PGGHG: variants seen among roughly 807,000 people sequenced by gnomAD.
PGGHG encodes ATH1, acid trehalase-like 1.
In PGGHG, 67 loss-of-function variants were observed where a neutral mutation model predicts 74.5. The observed-to-expected ratio is 0.90, with a 90% confidence interval of 0.74 to 1.10. The LOEUF (loss-of-function observed/expected upper bound fraction) is 1.10, where lower values mean the gene tolerates loss of function less well. Among genes scored for constraint, PGGHG ranks in the 50% least tolerant of loss-of-function variants. The probability of loss-of-function intolerance (pLI) is 0.00; values close to 1 mark genes in which losing one functional copy is unlikely to be tolerated. For synonymous variants in PGGHG, 496 were observed against 419.9 expected (o/e 1.18, Z -2.21); for missense variants, 1,034 against 981.5 (o/e 1.05, Z -0.72).
At chr11:292,350 G>C (rs192845833) in intron 5 of PGGHG, among the ~76,000 whole-genome samples, 196 bp from the exon 6 acceptor site, 1 of 152,252 alleles carries the variant, frequency 6.6e-6, no homozygotes, top group Admixed American at 6.5e-5. Flanking sequence ...CCCTGCACCA[G>C]GGTCAGCACT....
chr11:294,095 G>A lies in PGGHG; in HGVS notation c.1711-4G>A, dbSNP rs878983341. 1 of 1,601,848 alleles carries A rather than the reference G, an allele frequency of 6.2e-7. No individual in the cohort carries two copies. Among genetic ancestry groups the A allele is most frequent in the South Asian group, 1.1e-5 (1 of 89,556 alleles). ...CCTGGTGTCAGCTGCCCTTGCCCCT[G>A]CAGGTGTGGACGGAGAATGCAGACG... is the stretch of plus-strand genomic sequence containing the variant. On this transcript the variant is annotated splice_polypyrimidine_tract_variant and splice_region_variant and intron_variant, in intron 11 of 13. Transcript: ENST00000409548.
chr11:289,679 C>T lies in PGGHG; in HGVS notation c.-13-125C>T. 8.0e-7 allele frequency: 1 copy of T among 1,249,434 alleles called. No individual in the cohort carries two copies. The highest frequency in any genetic ancestry group is 1.6e-5 in the South Asian group (1 of 63,368). 77.4% of individuals were successfully genotyped at this position (1,249,434 alleles called of 1,614,324 possible). A position where few individuals can be genotyped will look rare whatever the true frequency, so the allele number is the denominator to read the frequency against. The stretch of plus-strand genomic sequence containing the variant: ...CGTCTAGGAGGGGCCTCAGGAAAAT[C>T]GGGGCTGCCCAGCTGGTTCCGCAAC... On this transcript the variant is annotated intron_variant, in intron 1 of 13. Coordinates refer to ENST00000409548, the MANE Select transcript of PGGHG (RefSeq NM_025092.5). The surrounding 1 kb of genome is among the most constrained non-coding windows in gnomAD (Gnocchi z 5.6).
intron 4 of PGGHG, 117 bp from the exon 5 acceptor site, chr11:291,859 G>A: frequency 7.1e-7 from 1 of 1,410,992 alleles, no homozygotes; most frequent in Non-Finnish European, 9.3e-7. Context: ...TGAGTGGGCA[G>A]CCGAGGAGGA....
At chr11:293,032 G>A (rs1719042016) in intron 7 of PGGHG, 35 bp downstream of exon 7, 9 of 1,613,764 alleles carry the variant, frequency 5.6e-6, no homozygotes, top group Non-Finnish European at 7.6e-6. Flanking sequence ...CGGGGAGGAA[G>A]GGTGGATGCT....
At chr11:292,513 C>G in intron 5 of PGGHG, 33 bp from the exon 6 acceptor site, 1 of 1,605,040 alleles carries the variant, frequency 6.2e-7, no homozygotes. Context: ...TCCCCTCCAA[C>G]AAGGTCAAGT....
chr11:292,129 C>T (rs774081063), intron 5 of PGGHG, 34 bp downstream of exon 5: 1 of 1,505,096 alleles, frequency 6.6e-7, no homozygotes, highest in South Asian at 1.3e-5. Context: ...CCGTAGGGCC[C>T]TGCAGGGCCT....
At position 294,433 on chromosome 11, in the gene PGGHG, G is replaced by C; in HGVS notation, c.1975G>C (p.Glu659Gln). Residue 659 changes from glutamate to glutamine, a missense_variant, in exon 13 of 14, where the codon GAG becomes CAG. Coordinates refer to ENST00000409548, the MANE Select transcript of PGGHG (RefSeq NM_025092.5). The part of the protein sequence containing the change: ...ARAGPWAPHL[E>Q]AELWPSQSRL... ...AGCAGGGCCCTGGGCTCCTCACCTG[G>C]AGGCTGAGCTGTGGCCATCCCAGTC... The C allele has an allele frequency of 6.4e-7, 1 of 1,558,884 alleles. No individual in the cohort carries two copies. Among genetic ancestry groups the C allele is most frequent in the South Asian group, 1.1e-5 (1 of 88,526 alleles).
rs754519348 is a variant in PGGHG at position 292,606 on chromosome 11, T to C, written c.1087T>C (p.Tyr363His). The C allele has an allele frequency of 6.2e-6, 10 of 1,613,724 alleles. No homozygotes were observed. The South Asian group carries it at 1.1e-4, about 18-fold the overall frequency. ...CCTAGAGGTTTGCCCTGAGGACATT[T>C]ACGGAGTCCAGGAGGTCCACGTCAA... Reference protein sequence around the residue: ...SGLEVCPEDIYGVQEVHVNGA... With the variant: ...SGLEVCPEDIHGVQEVHVNGA... Residue 363 changes from tyrosine (Y) to histidine (H), a missense_variant, in exon 6 of 14, where the codon TAC becomes CAC. By Grantham distance (83) the Tyr-to-His change is moderately conservative. Coordinates refer to ENST00000409548, the MANE Select transcript of PGGHG (RefSeq NM_025092.5).
intron 2 of PGGHG, 142 bp downstream of exon 2, chr11:290,217 G>T: frequency 7.2e-7 from 1 of 1,384,416 alleles, no homozygotes; most frequent in Non-Finnish European, 9.6e-7. Context: ...GGCCCGCAGG[G>T]TCCCCCCTTC....
chr11:293,431 T>C lies in PGGHG; in HGVS notation c.1409T>C (p.Val470Ala). 1 of 1,612,300 alleles carries C rather than the reference T, an allele frequency of 6.2e-7. No homozygotes were observed. Among genetic ancestry groups the C allele is most frequent in the East Asian group, 2.2e-5 (1 of 44,876 alleles). Reference sequence around the variant, plus strand: ...CCCATCCCCAGCCAGTGGCTGGCGGTGGCTGACAAGATCAAGGTACCCTTT... The same window carrying C: ...CCCATCCCCAGCCAGTGGCTGGCGGCGGCTGACAAGATCAAGGTACCCTTT... Reference protein sequence around the residue: ...GLPIPSQWLAVADKIKVPFDV... With the variant: ...GLPIPSQWLAAADKIKVPFDV... Residue 470 changes from valine to alanine, a missense_variant, in exon 9 of 14, where the codon GTG becomes GCG. Coordinates refer to ENST00000409548, the MANE Select transcript of PGGHG (RefSeq NM_025092.5).
In PGGHG at chr11:294,897, G is replaced by T; in HGVS notation, c.*148G>T. 3 of 1,004,902 alleles carry T rather than the reference G, an allele frequency of 3.0e-6. No individual in the cohort carries two copies. Among genetic ancestry groups the T allele is most frequent in the East Asian group, 2.7e-5 (1 of 37,660 alleles). 62.2% of individuals were successfully genotyped at this position (1,004,902 alleles called of 1,614,324 possible). ...CCATGCTGCTTGGCCTGAGTTCAAG[G>T]CTTTCTGCCTGTAGCCTGGACTCCC... On this transcript the variant is annotated 3_prime_UTR_variant, in exon 14 of 14. Coordinates refer to ENST00000409548, the MANE Select transcript of PGGHG (RefSeq NM_025092.5).
intron 6 of PGGHG, 30 bp downstream of exon 6, chr11:292,707 A>C (rs1233059285): frequency 6.2e-7 from 1 of 1,613,056 alleles, no homozygotes; most frequent in Non-Finnish European, 8.5e-7. Context: ...CCATTCCTGC[A>C]AGTGTGGCCA....
At chr11:291,242 G>A (rs911455320) in intron 4 of PGGHG, 129 bp downstream of exon 4, 12 of 1,194,856 alleles carry the variant, frequency 1.0e-5, no homozygotes, top group African/African-American at 1.5e-5. Flanking sequence ...AAGAGGCCTG[G>A]AAGGTGTGCA....
Position 290,798 on chromosome 11 carries a change from G to C in PGGHG, c.591G>C (p.Thr197=), listed in dbSNP as rs753503749. The change falls in exon 4 of 14, where the codon ACG becomes ACC. Residue 197 remains threonine (T), a synonymous_variant. Transcript: ENST00000409548. ...TTGGGGAAGGTGAGGAGGCTAGGAC[G>C]TGGGACTTCCTGACAGCAGTGGGCG... The part of the protein sequence containing the change: ...LTLGEGEEAR[T]WDFLTAVGGS... 3.1e-6 allele frequency: 5 copies of C among 1,612,580 alleles called. No homozygotes were observed. Among genetic ancestry groups the C allele is most frequent in the Non-Finnish European group, 4.2e-6 (5 of 1,179,908 alleles).
chr11:290,121 A>G, intron 2 of PGGHG, 46 bp downstream of exon 2: 1 of 1,484,342 alleles, frequency 6.7e-7, no homozygotes, highest in Middle Eastern at 1.7e-4. Context: ...GCATTGTTCC[A>G]GGTCGGTGGG....
At position 294,281 on chromosome 11, in the gene PGGHG, G is replaced by T. The variant is rs1564842776; in HGVS notation, c.1823G>T (p.Gly608Val). The T allele has an allele frequency of 6.2e-7, 1 of 1,609,160 alleles. No homozygotes were observed. The highest frequency in any genetic ancestry group is 1.7e-5 in the Admixed American group (1 of 59,712). Residue 608 changes from glycine to valine, a missense_variant, in exon 13 of 14, where the codon GGT (glycine) becomes GTT (valine). Physicochemically the swap from Gly to Val is moderately radical, Grantham distance 109. Transcript: ENST00000409548. ...TCCTCCCACAGGGTCACCCGAGCGGGTGTGACCTTTGACCCTGTGTGTCTG... is the reference window on the plus strand; with the variant it reads ...TCCTCCCACAGGGTCACCCGAGCGGTTGTGACCTTTGACCCTGTGTGTCTG... ...GCTGFRVTRAGVTFDPVCLSG... is the reference protein window; with the variant it reads ...GCTGFRVTRAVVTFDPVCLSG...
rs1273106859 is a variant in PGGHG at position 294,883 on chromosome 11, G to A, written c.*134G>A. The stretch of plus-strand genomic sequence containing the variant: ...CTCTCAGGGAAGGTCCATGCTGCTT[G>A]GCCTGAGTTCAAGGCTTTCTGCCTG... On this transcript the variant is annotated 3_prime_UTR_variant, in exon 14 of 14. Coordinates refer to ENST00000409548, the MANE Select transcript of PGGHG (RefSeq NM_025092.5). The A allele has an allele frequency of 8.8e-7, 1 of 1,138,506 alleles. No individual in the cohort carries two copies. The highest frequency in any genetic ancestry group is 1.7e-5 in the South Asian group (1 of 58,640). 70.5% of individuals were successfully genotyped at this position (1,138,506 alleles called of 1,614,324 possible).
At chr11:291,861 C>T (rs1213554586) in intron 4 of PGGHG, 115 bp from the exon 5 acceptor site, 19 of 1,421,646 alleles carry the variant, frequency 1.3e-5, no homozygotes, top group East Asian at 2.5e-5. Flanking sequence ...AGTGGGCAGC[C>T]GAGGAGGAAC....
In PGGHG at chr11:293,867, C is replaced by T. The variant is rs1290757678; in HGVS notation, c.1652C>T (p.Ala551Val). The change falls in exon 11 of 14, where the codon GCA becomes GTA. Residue 551 changes from alanine to valine, a missense_variant. Coordinates refer to ENST00000409548, the MANE Select transcript of PGGHG (RefSeq NM_025092.5). ...GTGGGCTGGATGGAGCTGAAGGACG[C>T]AGTGCGGGCCCGGGGCCTCCTGGAC... Reference protein sequence around the residue: ...FAVGWMELKDAVRARGLLDRS... With the variant: ...FAVGWMELKDVVRARGLLDRS... 5.6e-6 allele frequency: 9 copies of T among 1,613,550 alleles called. No homozygotes were observed. Among genetic ancestry groups the T allele is most frequent in the Non-Finnish European group, 7.6e-6 (9 of 1,179,986 alleles).
Sources: gnomAD v4.1 joint callset for allele counts (sites outside exome capture counted in the v4.1 genomes callset) on GRCh38, gnomAD v4.1.1 for gene constraint, Gnocchi (gnomAD v3.1) non-coding constraint, MANE v1.5 for transcripts, NCBI Gene and HGNC (gene_info 2026-07-23, HGNC 2026-07-21) for gene names.